Variants in INPP5A observed in about 807,000 individuals in gnomAD.
The protein encoded by INPP5A is 43 kDa inositol polyphosphate 5-phophatase.
INPP5A carries 14 observed loss-of-function variants against 65.2 expected under a neutral mutation model. The observed-to-expected ratio is 0.21, with a 90% CI of 0.14 to 0.34. INPP5A has a LOEUF of 0.34. INPP5A is among the 10% of genes least tolerant of loss of function. The probability of loss-of-function intolerance (pLI) is 1.00; values close to 1 mark genes in which losing one functional copy is unlikely to be tolerated. For synonymous variants in INPP5A, 207 were observed against 208.3 expected (o/e 0.99, Z 0.05); for missense variants, 431 against 545.6 (o/e 0.79, Z 2.09).
At chr10:132,570,276 C>T (rs1431847860) in intron 1 of INPP5A, among the ~76,000 whole-genome samples, 1 of 152,228 alleles carries the variant, frequency 6.6e-6, no homozygotes, top group East Asian at 1.9e-4. Flanking sequence ...GCACGTTTGC[C>T]TTGAGCTGTG....
intron 14 of INPP5A, 34 bp from the exon 15 acceptor site, chr10:132,781,827 G>A (rs776578512): frequency 3.0e-5 from 48 of 1,574,318 alleles, no homozygotes; most frequent in South Asian, 2.8e-4. Context: ...TCCCGCGTGC[G>A]CCGTGCTGAC....
chr10:132,600,159 A>G (rs1456977397), intron 1 of INPP5A, among the ~76,000 whole-genome samples: 1 of 152,222 alleles, frequency 6.6e-6, no homozygotes, highest in Non-Finnish European at 1.5e-5. Flanking sequence ...TTGCTTCTCT[A>G]TCACATATTC....
chr10:132,543,963 C>T (rs568838122), intron 1 of INPP5A, among the ~76,000 whole-genome samples: 3 of 152,352 alleles, frequency 2.0e-5, no homozygotes, highest in South Asian at 2.1e-4. Flanking sequence ...GGCGGACATG[C>T]GTTCTCAGTG....
At chr10:132,571,555 A>G (rs950355542) in intron 1 of INPP5A, among the ~76,000 whole-genome samples, 3 of 152,234 alleles carry the variant, frequency 2.0e-5, no homozygotes, top group African/African-American at 7.2e-5. Flanking sequence ...AGCTAAATTT[A>G]AAAAAAGTGC....
At chr10:132,620,132 A>G (rs1253696671) in intron 2 of INPP5A, among the ~76,000 whole-genome samples, 1 of 152,166 alleles carries the variant, frequency 6.6e-6, no homozygotes, top group Non-Finnish European at 1.5e-5. Context: ...CCATGAAACC[A>G]TTCTTTCCTC....
intron 1 of INPP5A, among the ~76,000 whole-genome samples, chr10:132,577,658 G>A (rs1172393402): frequency 1.3e-5 from 2 of 152,226 alleles, no homozygotes; most frequent in African/African-American, 4.8e-5. Context: ...AGGTGACACT[G>A]AGACCCAAAG....
Position 132,586,441 on chromosome 10 carries a change from G to A in INPP5A, c.76-21474G>A, listed in dbSNP as rs529136632. Among the ~76,000 whole-genome samples, 21 of 152,320 alleles carry A rather than the reference G, an allele frequency of 1.4e-4. No homozygotes were observed. In the South Asian group the frequency reaches 1.5e-3, roughly 11 times the overall value. ...TCGTCACCCTTCCCCACAGAGTGCC[G>A]CATGGCTGGCAGGGTGGGCACGACA... is the stretch of plus-strand genomic sequence containing the variant. On this transcript the variant is annotated intron_variant, in intron 1 of 15. Transcript: ENST00000368594.
At chr10:132,716,177 G>A (rs564465894) in intron 8 of INPP5A, among the ~76,000 whole-genome samples, 49 of 152,356 alleles carry the variant, frequency 3.2e-4, no homozygotes, top group African/African-American at 1.1e-3. Flanking sequence ...TTCTCCGCAT[G>A]TTTCCTTTCC....
Position 132,627,038 on chromosome 10 carries a change from G to C in INPP5A, c.118-18830G>C, listed in dbSNP as rs1004302150. On this transcript the variant is annotated intron_variant, in intron 2 of 15. Transcript: ENST00000368594. This position sits in a 1 kb window ranked among gnomAD's most constrained non-coding sequence, Gnocchi z 6.6. ...TTTGGGAGGTGATGGGGTGAGATGA[G>C]GTTATGCGGTGGGCCCCCCGGATGG... 1.1e-4 allele frequency among the ~76,000 whole-genome samples: 16 copies of C among 152,204 alleles called. No homozygotes were observed. In the East Asian group the frequency reaches 2.9e-3, roughly 28 times the overall value.
chr10:132,766,258 C>T (rs1341485751), intron 12 of INPP5A, among the ~76,000 whole-genome samples: 1 of 152,214 alleles, frequency 6.6e-6, no homozygotes, highest in Non-Finnish European at 1.5e-5. Context: ...CTTTTCATGA[C>T]ATGAAAAAAG....
In INPP5A at chr10:132,649,089, G is replaced by A. The variant is rs563362483; in HGVS notation, c.219-1329G>A. 1.4e-4 allele frequency among the ~76,000 whole-genome samples: 21 copies of A among 152,224 alleles called. No homozygotes were observed. In the South Asian group the frequency reaches 4.4e-3, roughly 32 times the overall value. ...TTTCAGCTCATTTTCCCTGTGTTTC[G>A]GTTTGGATCGCCTCTGTTGCTGTAT... On this transcript the variant is annotated intron_variant, in intron 3 of 15. Coordinates refer to ENST00000368594, the MANE Select transcript of INPP5A (RefSeq NM_005539.5).
chr10:132,634,320 C>T (rs902820729), intron 2 of INPP5A, among the ~76,000 whole-genome samples: 7 of 146,452 alleles, frequency 4.8e-5, no homozygotes, highest in Admixed American at 2.0e-4. Context: ...CCCGGAGAGG[C>T]GTATCATCTC....
In INPP5A at chr10:132,698,424, C is replaced by G. The variant is rs771237343; in HGVS notation, c.474+505C>G. 7.9e-5 allele frequency among the ~76,000 whole-genome samples: 12 copies of G among 152,364 alleles called. No individual in the cohort carries two copies. The highest frequency in any genetic ancestry group is 1.6e-4 in the Non-Finnish European group (11 of 68,030). The stretch of plus-strand genomic sequence containing the variant: ...CTGCGTCACACGGAGAGATTAGAAT[C>G]AAAATGTGTGGAAGGCATTTGTCGT... On this transcript the variant is annotated intron_variant, in intron 6 of 15. Coordinates refer to ENST00000368594, the MANE Select transcript of INPP5A (RefSeq NM_005539.5). This position sits in a 1 kb window ranked among gnomAD's most constrained non-coding sequence, Gnocchi z 5.5.
chr10:132,586,881 G>A (rs541698366), intron 1 of INPP5A, among the ~76,000 whole-genome samples: 61 of 152,322 alleles, frequency 4.0e-4, no homozygotes, highest in African/African-American at 1.3e-3. Flanking sequence ...GCGGCGCAGC[G>A]CGGCGAGGCT....
intron 2 of INPP5A, among the ~76,000 whole-genome samples, chr10:132,617,121 C>T (rs191416587): frequency 7.2e-5 from 11 of 152,276 alleles, no homozygotes; most frequent in East Asian, 5.8e-4. Context: ...TCAAACACCG[C>T]GCCCTGGTTG....
chr10:132,752,435 A>G (rs1434088409), intron 11 of INPP5A, among the ~76,000 whole-genome samples: 1 of 54,228 alleles, frequency 1.8e-5, no homozygotes. Context: ...GGGGCGTGTG[A>G]TGTGGAGGGG....
At chr10:132,543,503 AC>A (rs1219618040) in intron 1 of INPP5A, among the ~76,000 whole-genome samples, 3 of 152,064 alleles carry the variant, frequency 2.0e-5, no homozygotes, top group Non-Finnish European at 4.4e-5. Flanking sequence ...TGTAGCCTTG[AC>A]CTCCTGGCTT....
chr10:132,665,222 G>A (rs981900975), intron 4 of INPP5A, among the ~76,000 whole-genome samples: 1 of 152,176 alleles, frequency 6.6e-6, no homozygotes, highest in Non-Finnish European at 1.5e-5. Context: ...CTTCCATCCC[G>A]AGAGTGTCTC....
intron 6 of INPP5A, among the ~76,000 whole-genome samples, chr10:132,702,224 T>A (rs528843829): frequency 1.4e-4 from 21 of 152,382 alleles, no homozygotes; most frequent in African/African-American, 5.0e-4. Context: ...TTAAATTTTC[T>A]GAGATTCATT....
Sources: gnomAD v4.1 joint callset for allele counts (sites outside exome capture counted in the v4.1 genomes callset) on GRCh38, gnomAD v4.1.1 for gene constraint, Gnocchi (gnomAD v3.1) non-coding constraint, MANE v1.5 for transcripts, NCBI Gene and HGNC (gene_info 2026-07-23, HGNC 2026-07-21) for gene names.